The following LITAF variants were observed in gnomAD, a reference collection of about 807,000 sequenced individuals.
LITAF encodes lipopolysaccharide induced TNF factor.
In LITAF, 9 loss-of-function variants were observed where a neutral mutation model predicts 14.5. The observed-to-expected ratio is 0.62, with a 90% CI of 0.37 to 1.08. The LOEUF (loss-of-function observed/expected upper bound fraction) is 1.08, where lower values mean the gene tolerates loss of function less well. LITAF is among the 50% of genes least tolerant of loss of function. The pLI is 0.01. For missense variants in LITAF, 206 were observed against 213.4 expected (o/e 0.97, Z 0.22); for synonymous variants, 98 against 88.2 (o/e 1.11, Z -0.62).
chr16:11,588,645 C>G (rs546242875), upstream of LITAF, among the ~76,000 whole-genome samples: 6 of 152,158 alleles, frequency 3.9e-5, no homozygotes, highest in Non-Finnish European at 7.4e-5. Context: ...TACACCCAAC[C>G]TCTGCCATTC....
chr16:11,556,626 T>C lies in LITAF; in HGVS notation c.105A>G (p.Thr35=). The C allele has an allele frequency of 6.2e-7, 1 of 1,614,076 alleles. No individual in the cohort carries two copies. The highest frequency in any genetic ancestry group is 8.5e-7 in the Non-Finnish European group (1 of 1,180,024). The stretch of plus-strand genomic sequence containing the variant: ...TTGGCCCAGGCATGGGAGCTGGAGG[T>C]GTGGGGTAATAACTGTTAACAGCCA... ...ETVAVNSYYP[T]PPAPMPGPTT... Residue 35 remains threonine, a synonymous_variant, in exon 2 of 4, where the codon ACA becomes ACG. Coordinates refer to ENST00000622633, the MANE Select transcript of LITAF (RefSeq NM_001136472.2).
At position 11,548,957 on chromosome 16, in the gene LITAF, A is replaced by AC; in HGVS notation, c.*679dup. The AC allele has an allele frequency of 2.2e-6, 1 of 454,100 alleles. No individual in the cohort carries two copies. Among genetic ancestry groups the AC allele is most frequent in the Non-Finnish European group, 4.4e-6 (1 of 226,802 alleles). 28.1% of individuals were successfully genotyped at this position (454,100 alleles called of 1,614,324 possible). A position where few individuals can be genotyped will look rare whatever the true frequency, so the allele number is the denominator to read the frequency against. On this transcript the variant is annotated 3_prime_UTR_variant, in exon 4 of 4. Coordinates refer to ENST00000622633, the MANE Select transcript of LITAF (RefSeq NM_001136472.2). The stretch of plus-strand genomic sequence containing the variant: ...ATCTGGCACAGAGAAACAAGGGGAG[A>AC]CAGGGCAGTGATAAGATCCAGCCCT...
Position 11,548,275 on chromosome 16 carries a change from A to G in LITAF, c.*1362T>C, listed in dbSNP as rs1161325430. The G allele has an allele frequency of 4.4e-6, 2 of 454,066 alleles. No homozygotes were observed. The highest frequency in any genetic ancestry group is 4.7e-5 in the Admixed American group (2 of 42,566). 28.1% of individuals were successfully genotyped at this position (454,066 alleles called of 1,614,324 possible). A position where few individuals can be genotyped will look rare whatever the true frequency, so the allele number is the denominator to read the frequency against. On this transcript the variant is annotated 3_prime_UTR_variant, in exon 4 of 4. Transcript: ENST00000622633. ...TCGAGCCCAGCTTTGTCTTGACTTCAAAGATGACACAGCAGCCAACCTAGA... is the reference window on the plus strand; with the variant it reads ...TCGAGCCCAGCTTTGTCTTGACTTCGAAGATGACACAGCAGCCAACCTAGA...
chr16:11,557,364 T>G lies in LITAF; in HGVS notation c.-5-629A>C, dbSNP rs959363590. Among the ~76,000 whole-genome samples, 3 of 152,330 alleles carry G rather than the reference T, an allele frequency of 2.0e-5. No individual in the cohort carries two copies. The East Asian group carries it at 5.8e-4, about 29-fold the overall frequency. On this transcript the variant is annotated intron_variant, in intron 1 of 3. Transcript: ENST00000622633. ...CTGTTCTCTTTCTTCACCTGGGGGC[T>G]GGTTACAGAGGTATGTTCAGTCTGT... is the stretch of plus-strand genomic sequence containing the variant.
chr16:11,588,863 CCTT>C (rs1369977091), upstream of LITAF, among the ~76,000 whole-genome samples: 97 of 151,658 alleles, frequency 6.4e-4, no homozygotes, highest in African/African-American at 2.2e-3. Flanking sequence ...CTCCTTCCTT[CCTT>C]CCTTCCTTCC....
rs538789966 is a variant in LITAF, at chr16:11,572,473, C to G, written c.-6+14413G>C. Among the ~76,000 whole-genome samples, 1,207 of 151,652 alleles carry G rather than the reference C, an allele frequency of 8.0e-3. 17 individuals carry two copies. Among genetic ancestry groups the G allele is most frequent in the African/African-American group, 0.028 (1,140 of 40,986 alleles). ...ATGACATCACACACCAGCGAGAAGT[C>G]ACATGACATCACACACCTGCTGACG... On this transcript the variant is annotated intron_variant, in intron 1 of 3. Transcript: ENST00000622633.
rs544664653 is a variant in LITAF, at chr16:11,593,681, C to G, written c.-6+4707G>C. 4.6e-5 allele frequency among the ~76,000 whole-genome samples: 7 copies of G among 152,284 alleles called. No homozygotes were observed. The South Asian group carries it at 1.4e-3, about 32-fold the overall frequency. ...TGAATGATTTGGCCATAAAAAGGAA[C>G]AATGCATTGATGCTTTCCACAATAC... On this transcript the variant is annotated intron_variant, in intron 1 of 3. Coordinates refer to the LITAF transcript ENST00000571627.
At chr16:11,621,461 T>C (rs143189216) in intron 3 of LITAF, among the ~76,000 whole-genome samples, 2,776 of 152,244 alleles carry the variant, frequency 0.018, 86 homozygotes, top group African/African-American at 0.063. Flanking sequence ...TGCCTCAGCC[T>C]CCCAAAGTGC....
At chr16:11,600,032 G>A (rs185362369), upstream of LITAF, among the ~76,000 whole-genome samples, 14 of 152,030 alleles carry the variant, frequency 9.2e-5, no homozygotes, top group African/African-American at 3.1e-4. The surrounding 1 kb of genome is among the most constrained non-coding windows in gnomAD (Gnocchi z 4.1). Context: ...GTCTCACTCT[G>A]TCTCCCAGGC....
chr16:11,574,272 G>A (rs1325690387), intron 1 of LITAF, among the ~76,000 whole-genome samples: 1 of 150,548 alleles, frequency 6.6e-6, no homozygotes, highest in African/African-American at 2.4e-5. Context: ...AAACTCCTGG[G>A]CTAAAGCAAT....
At chr16:11,590,363 A>G (rs1266904344), upstream of LITAF, among the ~76,000 whole-genome samples, 3 of 118,074 alleles carry the variant, frequency 2.5e-5, 1 homozygote, top group African/African-American at 1.2e-4. Context: ...AGATGGTACC[A>G]GACTTAATGA....
At chr16:11,595,117 C>A (rs895316881) in intron 1 of LITAF, among the ~76,000 whole-genome samples, 3 of 152,168 alleles carry the variant, frequency 2.0e-5, no homozygotes, top group African/African-American at 7.2e-5. Flanking sequence ...CCATTAACGA[C>A]CAATTCCGGT....
intron 1 of LITAF, among the ~76,000 whole-genome samples, chr16:11,564,782 C>T (rs528457100): frequency 6.6e-6 from 1 of 152,134 alleles, no homozygotes; most frequent in East Asian, 1.9e-4. Flanking sequence ...GAATGAACCT[C>T]GAAAGCACAA....
intron 3 of LITAF, among the ~76,000 whole-genome samples, chr16:11,620,280 C>CT (rs1206467477): frequency 1.3e-5 from 2 of 152,032 alleles, no homozygotes; most frequent in African/African-American, 4.8e-5. Context: ...CCATGATTGG[C>CT]TTGGGCCATC....
At chr16:11,622,972 AAT>A (rs1491193811) in intron 3 of LITAF, among the ~76,000 whole-genome samples, 15 of 107,890 alleles carry the variant, frequency 1.4e-4, no homozygotes, top group Middle Eastern at 9.4e-3. Flanking sequence ...ATATATATAT[AAT>A]TTTTTTTTTG....
chr16:11,570,992 G>C (rs2064533442), intron 1 of LITAF, among the ~76,000 whole-genome samples: 2 of 152,102 alleles, frequency 1.3e-5, no homozygotes, highest in Non-Finnish European at 2.9e-5. Flanking sequence ...AATGCAGGCG[G>C]CCTCTGGAAG....
intron 3 of LITAF, among the ~76,000 whole-genome samples, chr16:11,630,123 T>C (rs1265629088): frequency 6.6e-6 from 1 of 152,134 alleles, no homozygotes; most frequent in Non-Finnish European, 1.5e-5. Context: ...ACGGAGGTCA[T>C]GGGAGTCCAG....
chr16:11,551,319 C>T (rs2064178683), intron 3 of LITAF, among the ~76,000 whole-genome samples: 1 of 152,186 alleles, frequency 6.6e-6, no homozygotes, highest in Non-Finnish European at 1.5e-5. Context: ...AGCACACACA[C>T]ATATTTCATC....
intron 1 of LITAF, among the ~76,000 whole-genome samples, chr16:11,577,790 T>G (rs2064665439): frequency 6.6e-6 from 1 of 152,158 alleles, no homozygotes. Flanking sequence ...ATTGGCACCA[T>G]CATAGCTTAC....
Sources: allele counts gnomAD v4.1 joint callset (sites outside exome capture counted in the v4.1 genomes callset), GRCh38; gene constraint gnomAD v4.1.1; non-coding constraint Gnocchi (gnomAD v3.1); transcripts MANE v1.5; gene names NCBI Gene and HGNC (gene_info 2026-07-23, HGNC 2026-07-21).